Variants in MALRD1 observed in about 807,000 individuals in gnomAD.
The protein encoded by MALRD1 is MAM and LDL-receptor class A domain-containing protein 1.
MALRD1 carries 247 observed loss-of-function variants against 242.1 expected under a neutral mutation model. The observed-to-expected ratio is 1.02, with a 90% CI of 0.92 to 1.13. The LOEUF (loss-of-function observed/expected upper bound fraction) is 1.13, where lower values mean the gene tolerates loss of function less well. Ranked by LOEUF, MALRD1 falls within the 50% of genes most tolerant of loss-of-function variation. The probability of loss-of-function intolerance (pLI) is 0.00; values close to 1 mark genes in which losing one functional copy is unlikely to be tolerated. For synonymous variants in MALRD1, 995 were observed against 866.6 expected (o/e 1.15, Z -2.60); for missense variants, 2,989 against 2,533.1 (o/e 1.18, Z -3.86).
At chr10:19,426,425 C>T (rs1046107392) in intron 28 of MALRD1, among the ~76,000 whole-genome samples, 2 of 152,064 alleles carry the variant, frequency 1.3e-5, no homozygotes, top group Non-Finnish European at 2.9e-5. Flanking sequence ...ATTTTTTTCC[C>T]ATTCAGCACT....
chr10:19,295,315 T>G (rs534565766), intron 21 of MALRD1, among the ~76,000 whole-genome samples: 218 of 152,276 alleles, frequency 1.4e-3, no homozygotes, highest in Non-Finnish European at 2.7e-3. Flanking sequence ...TCTGTCTTTC[T>G]ATGTGCTTGC....
At chr10:19,708,466 T>C (rs1357277658) in intron 38 of MALRD1, among the ~76,000 whole-genome samples, 1 of 112,738 alleles carries the variant, frequency 8.9e-6, no homozygotes, top group African/African-American at 2.8e-5. Flanking sequence ...GCCTCCTTAA[T>C]AGCTGCAACC....
At chr10:19,530,426 T>TA in intron 31 of MALRD1, among the ~76,000 whole-genome samples, 1 of 37,710 alleles carries the variant, frequency 2.7e-5, no homozygotes, top group Non-Finnish European at 1.0e-4. Flanking sequence ...ATAATAAATA[T>TA]ATAATATATA....
intron 28 of MALRD1, among the ~76,000 whole-genome samples, chr10:19,404,426 T>C (rs1847000142): frequency 6.6e-6 from 1 of 152,110 alleles, no homozygotes; most frequent in South Asian, 2.1e-4. Context: ...TAAGATGTAG[T>C]ATATTCTATT....
In MALRD1 at chr10:19,437,512, A is replaced by T. The variant is rs561407240; in HGVS notation, c.4846-12795A>T. On this transcript the variant is annotated intron_variant, in intron 28 of 39. Coordinates refer to ENST00000454679, the MANE Select transcript of MALRD1 (RefSeq NM_001142308.3). ...CCAGAAATTGTCTTTTATTATTATT[A>T]TTATTTTTTGTTATTGTTTCTCCTC... Among the ~76,000 whole-genome samples the T allele has an allele frequency of 8.1e-3, 1,230 of 151,244 alleles. 11 individuals carry two copies. The highest frequency in any genetic ancestry group is 0.028 in the African/African-American group (1,167 of 41,348).
intron 36 of MALRD1, among the ~76,000 whole-genome samples, chr10:19,658,869 T>A (rs76808805): frequency 0.011 from 1,661 of 152,310 alleles, 33 homozygotes; most frequent in African/African-American, 0.038. Flanking sequence ...TCATTGCTGC[T>A]TGAATTTTCC....
intron 24 of MALRD1, among the ~76,000 whole-genome samples, chr10:19,341,936 GT>G (rs1843900237): frequency 6.6e-6 from 1 of 151,914 alleles, no homozygotes; most frequent in Non-Finnish European, 1.5e-5. Flanking sequence ...TATTTACTGA[GT>G]TTTTTGAGTT....
chr10:19,633,819 T>G (rs11010794), intron 36 of MALRD1: 6,967 of 151,418 alleles, frequency 0.046, 215 homozygotes, highest in Middle Eastern at 0.083. Flanking sequence ...AAGCCACAGT[T>G]TCTTTCTTTT....
At chr10:19,492,871 A>G (rs545683361) in intron 30 of MALRD1, among the ~76,000 whole-genome samples, 3 of 152,248 alleles carry the variant, frequency 2.0e-5, no homozygotes, top group Admixed American at 6.5e-5. Flanking sequence ...ACACAAGCAT[A>G]TTTACATTTT....
chr10:19,506,059 C>T (rs565346884), intron 31 of MALRD1, among the ~76,000 whole-genome samples: 9 of 152,276 alleles, frequency 5.9e-5, no homozygotes, highest in East Asian at 3.9e-4. Flanking sequence ...GATTCCAGTG[C>T]GTGGTCAAGG....
chr10:19,130,018 A>G (rs1374850992), intron 8 of MALRD1, among the ~76,000 whole-genome samples: 1 of 151,822 alleles, frequency 6.6e-6, no homozygotes, highest in Non-Finnish European at 1.5e-5. Context: ...ATGTATATAA[A>G]TTCTTTTTTA....
rs542697587 is a variant in MALRD1, at chr10:19,446,327, A to G, written c.4846-3980A>G. On this transcript the variant is annotated intron_variant, in intron 28 of 39. Coordinates refer to ENST00000454679, the MANE Select transcript of MALRD1 (RefSeq NM_001142308.3). ...CCCAGTGAGTTGAACCCAGTACCTC[A>G]GTTGGAAATGCAGAAAAATACATTC... Among the ~76,000 whole-genome samples the G allele has an allele frequency of 8.5e-5, 13 of 152,276 alleles. No individual in the cohort carries two copies. In the South Asian group the frequency reaches 2.1e-3, roughly 24 times the overall value.
At chr10:19,334,119 G>GTTTTTTTTTTTTTTTTTTTTTTT (rs56931838) in intron 24 of MALRD1, among the ~76,000 whole-genome samples, 1 of 66,790 alleles carries the variant, frequency 1.5e-5, no homozygotes, top group Non-Finnish European at 2.7e-5. Flanking sequence ...CTGTTGGTAG[G>GTTTTTTTTTTTTTTTTTTTTTTT]TTTTTTTTTT....
intron 28 of MALRD1, among the ~76,000 whole-genome samples, chr10:19,447,546 G>A (rs1222811045): frequency 6.6e-6 from 1 of 151,942 alleles, no homozygotes; most frequent in Non-Finnish European, 1.5e-5. Flanking sequence ...CGCATTTTTT[G>A]ATTAGCGTGA....
At chr10:19,448,153 G>T (rs1835106005) in intron 28 of MALRD1, among the ~76,000 whole-genome samples, 1 of 151,952 alleles carries the variant, frequency 6.6e-6, no homozygotes, top group Non-Finnish European at 1.5e-5. Flanking sequence ...TGAATGTCCA[G>T]CTCCTTGGTA....
At chr10:19,375,399 G>GT (rs1845553163) in intron 26 of MALRD1, among the ~76,000 whole-genome samples, 1 of 152,074 alleles carries the variant, frequency 6.6e-6, no homozygotes, top group South Asian at 2.1e-4. Context: ...TAGAGAAAGG[G>GT]TTTTTCTCTG....
intron 21 of MALRD1, among the ~76,000 whole-genome samples, chr10:19,296,160 C>A (rs1450536894): frequency 3.9e-5 from 6 of 152,102 alleles, no homozygotes; most frequent in Non-Finnish European, 5.9e-5. Context: ...TAACTTTAAA[C>A]ACAGTTCCAG....
intron 28 of MALRD1, among the ~76,000 whole-genome samples, chr10:19,398,245 A>T (rs1276758368): frequency 6.6e-6 from 1 of 152,080 alleles, no homozygotes; most frequent in Non-Finnish European, 1.5e-5. Context: ...GTGCATTCTG[A>T]TGTCATGAAG....
At chr10:19,246,335 G>T (rs73593858) in intron 18 of MALRD1, among the ~76,000 whole-genome samples, 19,993 of 152,004 alleles carry the variant, frequency 0.13, 1,658 homozygotes, top group Admixed American at 0.27. Context: ...TTGTTTTATG[G>T]TTACTTTCTG....
Sources: gnomAD v4.1 joint callset for allele counts (sites outside exome capture counted in the v4.1 genomes callset) on GRCh38, gnomAD v4.1.1 for gene constraint, MANE v1.5 for transcripts, NCBI Gene and HGNC (gene_info 2026-07-23, HGNC 2026-07-21) for gene names.